Variants in TGM6 observed in about 807,000 individuals in gnomAD.
TGM6 encodes the protein transglutaminase 6.
Under a neutral mutation model 77.5 loss-of-function variants are expected in TGM6, and 74 were observed. The ratio of observed to expected loss-of-function variants is 0.96; its 90% CI spans 0.79 to 1.16. The LOEUF is 1.16. Among genes scored for constraint, TGM6 ranks in the 50% most tolerant of loss-of-function variants. The probability of loss-of-function intolerance (pLI) is 0.00; values close to 1 mark genes in which losing one functional copy is unlikely to be tolerated. For missense variants in TGM6, 968 were observed against 940.2 expected (o/e 1.03, Z -0.39); for synonymous variants, 383 against 378.9 (o/e 1.01, Z -0.12).
intron 6 of TGM6, 41 bp from the exon 7 acceptor site, chr20:2,400,265 G>C (rs752669682): frequency 6.2e-7 from 1 of 1,612,742 alleles, no homozygotes; most frequent in Admixed American, 1.7e-5. Context: ...CCTCTCTCAG[G>C]GGCCAGGGTC....
At chr20:2,400,278 G>A (rs749973163) in intron 6 of TGM6, 28 bp from the exon 7 acceptor site, 31 of 1,613,584 alleles carry the variant, frequency 1.9e-5, no homozygotes, top group Middle Eastern at 1.6e-4. Context: ...CCAGGGTCCC[G>A]CCTGCTCCGA....
intron 9 of TGM6, among the ~76,000 whole-genome samples, chr20:2,410,798 C>T (rs1262192344): frequency 3.9e-5 from 6 of 152,116 alleles, no homozygotes; most frequent in Admixed American, 2.0e-4. Flanking sequence ...TAATTAATGA[C>T]AGTTTATTAG....
chr20:2,430,860 A>T, intron 11 of TGM6, 34 bp from the exon 12 acceptor site: 1 of 1,614,074 alleles, frequency 6.2e-7, no homozygotes, highest in Admixed American at 1.7e-5. Context: ...GAGGAGGGGT[A>T]GGCGCGATGG....
At chr20:2,408,033 G>A (rs906698949) in intron 9 of TGM6, among the ~76,000 whole-genome samples, 6 of 152,182 alleles carry the variant, frequency 3.9e-5, no homozygotes, top group African/African-American at 1.4e-4. Flanking sequence ...GCAGCCTATG[G>A]GAGGGAATGC....
intron 1 of TGM6, among the ~76,000 whole-genome samples, chr20:2,385,395 G>A (rs1944568811): frequency 6.6e-6 from 1 of 152,124 alleles, no homozygotes; most frequent in African/African-American, 2.4e-5. Context: ...TTGTCTTGTA[G>A]GGAGGAGGGC....
rs780209863 is a variant in TGM6, at chr20:2,403,428, G to C, written c.1021G>C (p.Ala341Pro). The change falls in exon 8 of 13, where the codon GCC becomes CCC. Residue 341 changes from alanine to proline, a missense_variant. By Grantham distance (27) the Ala-to-Pro change is conservative. Coordinates refer to ENST00000202625, the MANE Select transcript of TGM6 (RefSeq NM_198994.3). Reference sequence around the variant, plus strand: ...CCATGTCTGGAATGAGAGCTGGTTTGCCCGGCAGGACCTAGGCCCCTCTTA... The same window carrying C: ...CCATGTCTGGAATGAGAGCTGGTTTCCCCGGCAGGACCTAGGCCCCTCTTA... ...NFHVWNESWF[A>P]RQDLGPSYNG... The C allele has an allele frequency of 1.2e-6, 2 of 1,614,140 alleles. No individual in the cohort carries two copies. Among genetic ancestry groups the C allele is most frequent in the African/African-American group, 1.3e-5 (1 of 75,024 alleles).
chr20:2,400,952 T>G (rs887936142), intron 7 of TGM6, among the ~76,000 whole-genome samples: 1 of 152,124 alleles, frequency 6.6e-6, no homozygotes, highest in African/African-American at 2.4e-5. Flanking sequence ...GGCAGGAGAA[T>G]TGCTTGAACC....
chr20:2,427,395 C>A (rs1027930449), intron 10 of TGM6, among the ~76,000 whole-genome samples: 10 of 152,208 alleles, frequency 6.6e-5, no homozygotes, highest in African/African-American at 2.4e-4. Context: ...TCCTCTCTTG[C>A]ATTTATCATA....
At position 2,396,565 on chromosome 20, in the gene TGM6, G is replaced by C. The variant is rs992743590; in HGVS notation, c.484G>C (p.Gly162Arg). The C allele has an allele frequency of 6.2e-7, 1 of 1,614,226 alleles. No homozygotes were observed. The highest frequency in any genetic ancestry group is 2.2e-5 in the East Asian group (1 of 44,884). Residue 162 changes from glycine (G) to arginine (R), a missense_variant, in exon 4 of 13, where the codon GGC becomes CGC. By Grantham distance (125) the Gly-to-Arg change is moderately radical (BLOSUM62 -2). Coordinates refer to ENST00000202625, the MANE Select transcript of TGM6 (RefSeq NM_198994.3). ...ERQEYVLSDS[G>R]IIFRGVEKHI... Reference sequence around the variant, plus strand: ...ACAGGAGTACGTGCTCAGCGACAGCGGCATCATCTTCCGAGGCGTGGAGAA... The same window carrying C: ...ACAGGAGTACGTGCTCAGCGACAGCCGCATCATCTTCCGAGGCGTGGAGAA...
At position 2,417,278 on chromosome 20, in the gene TGM6, G is replaced by A. The variant is rs528547934; in HGVS notation, c.1383G>A (p.Leu461=). 2 of 1,610,772 alleles carry A rather than the reference G, an allele frequency of 1.2e-6. No individual in the cohort carries two copies. The highest frequency in any genetic ancestry group is 2.2e-5 in the East Asian group (1 of 44,726). The change falls in exon 10 of 13, where the codon CTG becomes CTA. Residue 461 remains leucine, a synonymous_variant. Transcript: ENST00000202625. ...TGTACAGCAAGGCGGTGAACAGGCT[G>A]TTCGGCGTGGAAGCCTCTGGAAGGA... is the stretch of plus-strand genomic sequence containing the variant. ...RQVYSKAVNR[L]FGVEASGRRI... is the part of the protein sequence containing the mutation.
Position 2,399,670 on chromosome 20 carries a change from G to T in TGM6, c.782G>T (p.Trp261Leu). The T allele has an allele frequency of 6.2e-7, 1 of 1,614,016 alleles. No individual in the cohort carries two copies. Among genetic ancestry groups the T allele is most frequent in the Non-Finnish European group, 8.5e-7 (1 of 1,179,972 alleles). The change falls in exon 6 of 13, where the codon TGG becomes TTG. Residue 261 changes from tryptophan to leucine, a missense_variant. Transcript: ENST00000202625. The part of the protein sequence containing the change: ...WRGSVAILQK[W>L]LKGRYKPVKY... ...GGCAGCGTGGCCATTCTGCAGAAGTGGCTCAAGGGCAGGTACAAGCCAGTC... is the reference window on the plus strand; with the variant it reads ...GGCAGCGTGGCCATTCTGCAGAAGTTGCTCAAGGGCAGGTACAAGCCAGTC...
At chr20:2,400,995 C>T (rs1305221969) in intron 7 of TGM6, among the ~76,000 whole-genome samples, 2 of 151,902 alleles carry the variant, frequency 1.3e-5, no homozygotes, top group Non-Finnish European at 2.9e-5. Flanking sequence ...GCTGAGATCA[C>T]ACCATTACAC....
chr20:2,432,745 C>A lies in TGM6; in HGVS notation c.*102C>A. 2 of 1,524,354 alleles carry A rather than the reference C, an allele frequency of 1.3e-6. No individual in the cohort carries two copies. The highest frequency in any genetic ancestry group is 1.4e-5 in the African/African-American group (1 of 73,070). 94.4% of individuals were successfully genotyped at this position (1,524,354 alleles called of 1,614,324 possible). A position where few individuals can be genotyped will look rare whatever the true frequency, so the allele number is the denominator to read the frequency against. On this transcript the variant is annotated 3_prime_UTR_variant, in exon 13 of 13. Coordinates refer to ENST00000202625, the MANE Select transcript of TGM6 (RefSeq NM_198994.3). ...AGCCAGGAGGCCTCAGTTAATCCTGCCTCAACCTCTGCCCTACTTTGTAAA... is the reference window on the plus strand; with the variant it reads ...AGCCAGGAGGCCTCAGTTAATCCTGACTCAACCTCTGCCCTACTTTGTAAA...
At chr20:2,423,584 T>G (rs1448599533) in intron 10 of TGM6, among the ~76,000 whole-genome samples, 1 of 152,190 alleles carries the variant, frequency 6.6e-6, no homozygotes, top group Non-Finnish European at 1.5e-5. Context: ...ACTTCCTGCA[T>G]TGAAATCTTG....
At position 2,432,529 on chromosome 20, in the gene TGM6, G is replaced by T; in HGVS notation, c.2007G>T (p.Gln669His). The change falls in exon 13 of 13, where the codon CAG becomes CAT. Residue 669 changes from glutamine (Q) to histidine (H), a missense_variant. Physicochemically the swap from Gln to His is conservative, Grantham distance 24 (BLOSUM62 0). Transcript: ENST00000202625. ...TLEPQERASVQFDITPSKSGP... is the reference protein window; with the variant it reads ...TLEPQERASVHFDITPSKSGP... ...AGCCTCAGGAGAGGGCCTCAGTCCA[G>T]TTTGACATCACCCCCTCCAAAAGTG... The T allele has an allele frequency of 6.2e-7, 1 of 1,614,132 alleles. No homozygotes were observed. The highest frequency in any genetic ancestry group is 2.2e-5 in the East Asian group (1 of 44,868).
rs780396011 is a variant in TGM6 at position 2,403,839 on chromosome 20, C to T, written c.1336+16C>T. 20 of 1,613,854 alleles carry T rather than the reference C, an allele frequency of 1.2e-5. No individual in the cohort carries two copies. Among genetic ancestry groups the T allele is most frequent in the Non-Finnish European group, 1.4e-5 (17 of 1,180,024 alleles). On this transcript the variant is annotated intron_variant, in intron 9 of 12. Transcript: ENST00000202625. ...TATCCGGAAGGTAAGGGCCACATGG[C>T]GGCCTTTATTACCTTCCCCCGGATG...
rs200926084 is a variant in TGM6 at position 2,399,755 on chromosome 20, G to A, written c.850+17G>A. On this transcript the variant is annotated intron_variant, in intron 6 of 12. Coordinates refer to ENST00000202625, the MANE Select transcript of TGM6 (RefSeq NM_198994.3). ...TGTGCACAGGTACCCTGGGAGAGAAGGGCCCCAGGGTACCTGTGCCCCCAG... is the reference window on the plus strand; with the variant it reads ...TGTGCACAGGTACCCTGGGAGAGAAAGGCCCCAGGGTACCTGTGCCCCCAG... The A allele has an allele frequency of 1.4e-4, 224 of 1,609,370 alleles. No homozygotes were observed. In the East Asian group the frequency reaches 4.5e-3, roughly 32 times the overall value.
At chr20:2,395,584 G>A (rs2084659653) in intron 3 of TGM6, 148 bp downstream of exon 3, 1 of 1,460,038 alleles carries the variant, frequency 6.8e-7, no homozygotes, top group South Asian at 1.2e-5. Flanking sequence ...GCAGAGGTAG[G>A]CAATGGTCAG....
intron 9 of TGM6, among the ~76,000 whole-genome samples, chr20:2,416,014 T>C (rs2084814471): frequency 6.6e-6 from 1 of 152,110 alleles, no homozygotes. Flanking sequence ...GGGCTGCTAT[T>C]GCTCAACTCT....
Sources: gnomAD v4.1 joint callset for allele counts (sites outside exome capture counted in the v4.1 genomes callset) on GRCh38, gnomAD v4.1.1 for gene constraint, MANE v1.5 for transcripts, NCBI Gene and HGNC (gene_info 2026-07-23, HGNC 2026-07-21) for gene names.